KCNH8: variants seen among roughly 807,000 people sequenced by gnomAD.
KCNH8 encodes the protein potassium voltage-gated channel subfamily H member 8.
A neutral mutation model predicts 103.6 loss-of-function variants in KCNH8; 70 were observed. The ratio of observed to expected loss-of-function variants is 0.68; its 90% CI spans 0.56 to 0.82. The LOEUF (loss-of-function observed/expected upper bound fraction) is 0.82, where lower values mean the gene tolerates loss of function less well. Among genes scored for constraint, KCNH8 ranks in the 40% least tolerant of loss-of-function variants. The pLI is 0.00. For missense variants in KCNH8, 1,217 were observed against 1,329.9 expected, an observed-to-expected ratio of 0.92 and a Z score of 1.32; for synonymous variants, 498 against 489.4, an observed-to-expected ratio of 1.02 and a Z score of -0.23.
At chr3:19,241,534 C>T (rs917414246) in intron 1 of KCNH8, among the ~76,000 whole-genome samples, 1 of 152,058 alleles carries the variant, frequency 6.6e-6, no homozygotes, top group Non-Finnish European at 1.5e-5. Flanking sequence ...CTAAAAGGTG[C>T]TCAACCCAAA....
At chr3:19,463,613 A>G (rs2067678473) in intron 11 of KCNH8, among the ~76,000 whole-genome samples, 1 of 152,168 alleles carries the variant, frequency 6.6e-6, no homozygotes, top group Admixed American at 6.5e-5. Flanking sequence ...AAGATTAATA[A>G]AAGTGTATAG....
intron 3 of KCNH8, among the ~76,000 whole-genome samples, chr3:19,306,938 C>T (rs1454969489): frequency 6.6e-6 from 1 of 151,812 alleles, no homozygotes; most frequent in Non-Finnish European, 1.5e-5. Context: ...AAAGAAGAAA[C>T]CTGGCAGTAT....
chr3:19,386,596 T>C (rs1198932442), intron 5 of KCNH8, among the ~76,000 whole-genome samples: 1 of 151,882 alleles, frequency 6.6e-6, no homozygotes, highest in Non-Finnish European at 1.5e-5. Flanking sequence ...ACTGTGTGTA[T>C]ATGTGTGTGT....
chr3:19,469,717 T>C (rs1454869727), intron 11 of KCNH8, among the ~76,000 whole-genome samples: 1 of 152,184 alleles, frequency 6.6e-6, no homozygotes, highest in African/African-American at 2.4e-5. Flanking sequence ...CTCCCGAGCC[T>C]AGTTTTGTGT....
chr3:19,349,845 T>A (rs1358349391), intron 5 of KCNH8, among the ~76,000 whole-genome samples: 1 of 152,144 alleles, frequency 6.6e-6, no homozygotes, highest in Non-Finnish European at 1.5e-5. Flanking sequence ...TCATTTCGAC[T>A]GTGCTTCAGC....
intron 15 of KCNH8, among the ~76,000 whole-genome samples, chr3:19,530,422 A>ATAAT (rs939816744): frequency 6.6e-6 from 1 of 152,182 alleles, no homozygotes; most frequent in Non-Finnish European, 1.5e-5. Context: ...ATAAATATGT[A>ATAAT]TAATTATTAT....
In KCNH8 at chr3:19,440,891, A is replaced by G. The variant is rs543452135; in HGVS notation, c.1375+2530A>G. 1.1e-4 allele frequency among the ~76,000 whole-genome samples: 17 copies of G among 152,296 alleles called. No individual in the cohort carries two copies. In the East Asian group the frequency reaches 2.5e-3, roughly 22 times the overall value. On this transcript the variant is annotated intron_variant, in intron 8 of 15. Transcript: ENST00000328405. Reference sequence around the variant, plus strand: ...TCATATAACAAACAGACAATTTATTATACTATTTTCTCTGGACTCCAAACC... The same window carrying G: ...TCATATAACAAACAGACAATTTATTGTACTATTTTCTCTGGACTCCAAACC...
chr3:19,531,724 C>T (rs2069164701), intron 15 of KCNH8, among the ~76,000 whole-genome samples: 2 of 152,180 alleles, frequency 1.3e-5, no homozygotes, highest in South Asian at 4.1e-4. Flanking sequence ...AGTAAGTAGA[C>T]TGAATTAAGT....
intron 10 of KCNH8, among the ~76,000 whole-genome samples, chr3:19,453,724 G>T (rs970924300): frequency 1.3e-5 from 2 of 152,038 alleles, no homozygotes; most frequent in Non-Finnish European, 2.9e-5. Context: ...TCCCATGTGC[G>T]GACACAACGG....
chr3:19,494,914 C>A (rs1030288344), intron 11 of KCNH8, among the ~76,000 whole-genome samples: 1 of 152,070 alleles, frequency 6.6e-6, no homozygotes, highest in Non-Finnish European at 1.5e-5. Context: ...AATACTATTT[C>A]ATTGTGGATT....
At chr3:19,459,262 TTTG>T (rs1347957604) in intron 11 of KCNH8, among the ~76,000 whole-genome samples, 7 of 151,926 alleles carry the variant, frequency 4.6e-5, no homozygotes, top group South Asian at 4.1e-4. Context: ...CCAAAATTTC[TTTG>T]TTGTTGTTTT....
intron 10 of KCNH8, among the ~76,000 whole-genome samples, chr3:19,452,278 G>T (rs2067460367): frequency 6.6e-6 from 1 of 152,088 alleles, no homozygotes. Flanking sequence ...CCAGCTACCT[G>T]GGAGGCTGAG....
intron 3 of KCNH8, among the ~76,000 whole-genome samples, chr3:19,320,574 G>A (rs1013814246): frequency 3.8e-4 from 58 of 151,712 alleles, no homozygotes; most frequent in African/African-American, 1.3e-3. Context: ...GTTGGGTTTG[G>A]GTCACTAGTA....
intron 1 of KCNH8, among the ~76,000 whole-genome samples, chr3:19,172,968 G>A: frequency 6.6e-6 from 1 of 152,060 alleles, no homozygotes; most frequent in East Asian, 1.9e-4. Context: ...TCTGAGTTAG[G>A]TTAATTAAAG....
chr3:19,243,670 T>TATA (rs762265207), intron 1 of KCNH8, among the ~76,000 whole-genome samples: 19 of 152,184 alleles, frequency 1.2e-4, no homozygotes, highest in Non-Finnish European at 2.5e-4. Flanking sequence ...TTTGTATATG[T>TATA]TGTCTTCAAA....
At chr3:19,397,300 A>G (rs1031164099) in intron 7 of KCNH8, among the ~76,000 whole-genome samples, 6 of 151,810 alleles carry the variant, frequency 4.0e-5, no homozygotes, top group African/African-American at 1.5e-4. Context: ...GCTGGGGGCA[A>G]TAGACCTCTC....
chr3:19,251,958 C>T (rs982584987), intron 1 of KCNH8, among the ~76,000 whole-genome samples: 7 of 152,078 alleles, frequency 4.6e-5, no homozygotes, highest in African/African-American at 1.7e-4. Context: ...TGCTTTTTAA[C>T]AAATTAACAG....
At chr3:19,289,409 G>A (rs1009972181) in intron 3 of KCNH8, among the ~76,000 whole-genome samples, 6 of 152,174 alleles carry the variant, frequency 3.9e-5, no homozygotes, top group Admixed American at 2.6e-4. Context: ...TGTGTAAGGT[G>A]TAAGGAAGGG....
intron 11 of KCNH8, 76 bp from the exon 12 acceptor site, chr3:19,510,287 T>C (rs555259256): frequency 2.3e-6 from 2 of 882,742 alleles, no homozygotes; most frequent in East Asian, 2.5e-5. Context: ...TTCTCTTTCC[T>C]CTGCCTGCTG....
Sources: allele counts gnomAD v4.1 joint callset (sites outside exome capture counted in the v4.1 genomes callset), GRCh38; gene constraint gnomAD v4.1.1; transcripts MANE v1.5; gene names NCBI Gene and HGNC (gene_info 2026-07-23, HGNC 2026-07-21).